Variants in LRP6 observed in about 807,000 individuals in gnomAD.
The protein encoded by LRP6 is LDL receptor related protein 6, also known as low-density lipoprotein receptor-related protein 6.
LRP6 carries 43 observed loss-of-function variants against 184.1 expected under a neutral mutation model. The observed-to-expected ratio is 0.23, with a 90% CI of 0.18 to 0.30. The LOEUF (loss-of-function observed/expected upper bound fraction) is 0.30. Among genes scored for constraint, LRP6 ranks in the 10% least tolerant of loss-of-function variants. The pLI is 1.00. For synonymous variants in LRP6, 719 were observed against 684.9 expected (o/e 1.05, Z -0.78); for missense variants, 1,571 against 2,005.3 (o/e 0.78, Z 4.14).
At chr12:12,170,474 T>C (rs1863004281) in intron 7 of LRP6, among the ~76,000 whole-genome samples, 1 of 152,120 alleles carries the variant, frequency 6.6e-6, no homozygotes, top group Non-Finnish European at 1.5e-5. Flanking sequence ...ACTAGGTCTC[T>C]TAGAATGTGT....
At chr12:12,172,670 T>G (rs1391525192) in intron 7 of LRP6, among the ~76,000 whole-genome samples, 1 of 152,194 alleles carries the variant, frequency 6.6e-6, no homozygotes, top group Non-Finnish European at 1.5e-5. Context: ...GGAAGACAGA[T>G]ATGACTGAGG....
intron 5 of LRP6, among the ~76,000 whole-genome samples, chr12:12,182,900 C>T (rs547121110): frequency 1.3e-5 from 2 of 152,304 alleles, no homozygotes; most frequent in South Asian, 2.1e-4. Context: ...TAAATATGTA[C>T]ACTTGCACTG....
chr12:12,156,777 T>A (rs974985406), intron 12 of LRP6, among the ~76,000 whole-genome samples: 9 of 152,234 alleles, frequency 5.9e-5, no homozygotes, highest in African/African-American at 2.2e-4. Flanking sequence ...CTCCCGCTTT[T>A]CCTCTTACCT....
rs79978048 is a variant in LRP6, at chr12:12,176,457, A to G, written c.1545+3353T>C. Among the ~76,000 whole-genome samples the G allele has an allele frequency of 5.9e-3, 899 of 152,344 alleles. 6 individuals carry two copies. The highest frequency in any genetic ancestry group is 0.02 in the African/African-American group (834 of 41,570). On this transcript the variant is annotated intron_variant, in intron 7 of 22. Transcript: ENST00000261349. The stretch of plus-strand genomic sequence containing the variant: ...ACCATCTTTTAAAAAATGTGACATC[A>G]TTAGCAATGCCCTACGCTCAATCCC...
In LRP6 at chr12:12,126,883, C is replaced by G; in HGVS notation, c.4120G>C (p.Val1374Leu). The change falls in exon 20 of 23, where the codon GTT becomes CTT. Residue 1374 changes from valine (V) to leucine (L), a missense_variant. This residue lies in a region of LRP6 where 763 missense variants were observed against 859.5 expected (regional missense o/e 0.89). Transcript: ENST00000261349. ...ACAATTACGCCAATAACAGAACCAACTGTATTGGTGGCCTGTGGTGCTGGT... is the reference window on the plus strand; with the variant it reads ...ACAATTACGCCAATAACAGAACCAAGTGTATTGGTGGCCTGTGGTGCTGGT... ...EEPAPQATNTVGSVIGVIVTI... is the reference protein window; with the variant it reads ...EEPAPQATNTLGSVIGVIVTI... 6.2e-7 allele frequency: 1 copy of G among 1,614,136 alleles called. No individual in the cohort carries two copies.
At chr12:12,163,295 GAGGAAATTTAGAACAT>G (rs1168973743) in intron 9 of LRP6, among the ~76,000 whole-genome samples, 1 of 151,930 alleles carries the variant, frequency 6.6e-6, no homozygotes, top group African/African-American at 2.4e-5. Flanking sequence ...TTTTCAAGAT[GAGGAAATTTAGAACAT>G]CACCCAATGC....
chr12:12,239,993 T>C (rs1446400206), intron 2 of LRP6, among the ~76,000 whole-genome samples: 2 of 147,852 alleles, frequency 1.4e-5, no homozygotes, highest in African/African-American at 5.0e-5. Context: ...AGTTAAGATA[T>C]TAAAAAAAAA....
chr12:12,221,776 C>T (rs531687345), intron 2 of LRP6, among the ~76,000 whole-genome samples: 14 of 152,284 alleles, frequency 9.2e-5, no homozygotes, highest in Middle Eastern at 3.4e-3. Context: ...TAACCACTGA[C>T]CCTAAATATT....
chr12:12,249,271 A>G, intron 1 of LRP6: 1 of 1,001,542 alleles, frequency 1.0e-6, no homozygotes, highest in Admixed American at 1.8e-5. Context: ...TGGAGTTAAT[A>G]GTTCTAATGG....
chr12:12,232,876 T>C (rs1864829233), intron 2 of LRP6, among the ~76,000 whole-genome samples: 1 of 152,162 alleles, frequency 6.6e-6, no homozygotes, highest in South Asian at 2.1e-4. Flanking sequence ...AGGAAAGGGC[T>C]CAACTTACAA....
chr12:12,257,812 T>TAAAAAAAAAAAAAAA (rs1865507818), intron 1 of LRP6, among the ~76,000 whole-genome samples: 24 of 67,290 alleles, frequency 3.6e-4, no homozygotes, highest in Non-Finnish European at 4.7e-4. Flanking sequence ...AAAAAAAAAT[T>TAAAAAAAAAAAAAAA]AAAAATGAGC....
intron 12 of LRP6, among the ~76,000 whole-genome samples, chr12:12,153,516 G>A (rs2136924918): frequency 6.6e-6 from 1 of 152,200 alleles, no homozygotes; most frequent in East Asian, 1.9e-4. Context: ...CAGATTAAGA[G>A]AAAGCCATAT....
chr12:12,244,462 A>C lies in LRP6; in HGVS notation c.249T>G (p.Thr83=), dbSNP rs754650484. 6 of 1,614,060 alleles carry C rather than the reference A, an allele frequency of 3.7e-6. No individual in the cohort carries two copies. The highest frequency in any genetic ancestry group is 5.1e-6 in the Non-Finnish European group (6 of 1,180,024). Reference sequence around the variant, plus strand: ...AAACAACAACATTCTGCACACTCTCAGTTTTGTTAAATTCTGTTCGTTTAA... The same window carrying C: ...AAACAACAACATTCTGCACACTCTCCGTTTTGTTAAATTCTGTTCGTTTAA... ...EAIKRTEFNK[T]ESVQNVVVSG... is the part of the protein sequence containing the mutation. Residue 83 remains threonine, a synonymous_variant, in exon 2 of 23, where the codon ACT becomes ACG. Coordinates refer to ENST00000261349, the MANE Select transcript of LRP6 (RefSeq NM_002336.3).
intron 2 of LRP6, among the ~76,000 whole-genome samples, chr12:12,216,436 T>C (rs1252928766): frequency 1.3e-5 from 2 of 152,058 alleles, no homozygotes; most frequent in African/African-American, 4.8e-5. Context: ...ACAATGTAAA[T>C]AGTATTTGAG....
At chr12:12,203,471 T>C (rs762886474) in intron 2 of LRP6, 71 bp from the exon 3 acceptor site, 9 of 1,329,806 alleles carry the variant, frequency 6.8e-6, no homozygotes, top group East Asian at 2.3e-5. Context: ...ATTATTACTA[T>C]TAAAGAAAGC....
chr12:12,255,566 C>CTTTTTTTTTTTTTTTT (rs749441005), intron 1 of LRP6, among the ~76,000 whole-genome samples: 4 of 114,132 alleles, frequency 3.5e-5, no homozygotes, highest in African/African-American at 1.4e-4. Flanking sequence ...GGTTTGGTCA[C>CTTTTTTTTTTTTTTTT]TTTTTTTTTT....
rs1243470911 is a variant in LRP6 at position 12,120,399 on chromosome 12, C to CT, written c.*726_*727insA. The CT allele has an allele frequency of 1.3e-5, 2 of 152,038 alleles. No homozygotes were observed. Among genetic ancestry groups the CT allele is most frequent in the Non-Finnish European group, 2.9e-5 (2 of 68,008 alleles). 9.4% of individuals were successfully genotyped at this position (152,038 alleles called of 1,614,324 possible). A position where few individuals can be genotyped will look rare whatever the true frequency, so the allele number is the denominator to read the frequency against. ...TTGCTGGAGGAGGCAGCAAGGTAAA[C>CT]ATACCTAGAGAAAAAAATTCATTTT... On this transcript the variant is annotated 3_prime_UTR_variant, in exon 23 of 23. Transcript: ENST00000261349.
At chr12:12,121,993 T>C (rs1052612623) in intron 22 of LRP6, among the ~76,000 whole-genome samples, 8 of 152,194 alleles carry the variant, frequency 5.3e-5, no homozygotes, top group African/African-American at 1.9e-4. Flanking sequence ...AAAGGGAAAT[T>C]GCTGTGATTG....
In LRP6 at chr12:12,119,987, C is replaced by CAAACAAACAAACAAACAAACAAAAAAAAA. The variant is rs567315765; in HGVS notation, c.*1138_*1139insTTTTTTTTTGTTTGTTTGTTTGTTTGTTT. The CAAACAAACAAACAAACAAACAAAAAAAAA allele has an allele frequency of 2.3e-5, 1 of 42,938 alleles. No homozygotes were observed. Among genetic ancestry groups the CAAACAAACAAACAAACAAACAAAAAAAAA allele is most frequent in the East Asian group, 6.2e-4 (1 of 1,606 alleles). The allele number at this position is 42,938 out of a possible 1,614,324, so 2.7% of individuals were successfully genotyped here. A position where few individuals can be genotyped will look rare whatever the true frequency, so the allele number is the denominator to read the frequency against. On this transcript the variant is annotated 3_prime_UTR_variant, in exon 23 of 23. Coordinates refer to ENST00000261349, the MANE Select transcript of LRP6 (RefSeq NM_002336.3). ...TTTACTCAGAAAACAAACAAACAAACAAAATATATATATATATATATATAT... is the reference window on the plus strand; with the variant it reads ...TTTACTCAGAAAACAAACAAACAAACAAACAAACAAACAAACAAACAAAAAAAAAAAAATATATATATATATATATATAT...
Sources: allele counts gnomAD v4.1 joint callset (sites outside exome capture counted in the v4.1 genomes callset), GRCh38; gene constraint gnomAD v4.1.1; regional missense constraint gnomAD v4.1.1; transcripts MANE v1.5; gene names NCBI Gene and HGNC (gene_info 2026-07-23, HGNC 2026-07-21).